Variants in GALNTL6 observed in about 807,000 individuals in gnomAD.
GALNTL6 encodes polypeptide N-acetylgalactosaminyltransferase like 6, also known as polypeptide N-acetylgalactosaminyltransferase-like 6.
In GALNTL6, 46 loss-of-function variants were observed where a neutral mutation model predicts 73.7. The ratio of observed to expected loss-of-function variants is 0.62; its 90% CI spans 0.49 to 0.80. The LOEUF is 0.80. Ranked by LOEUF, GALNTL6 falls within the 30% of genes least tolerant of loss-of-function variation. The pLI is 0.00. For missense variants in GALNTL6, 604 were observed against 755.0 expected (o/e 0.80, Z 2.34); for synonymous variants, 259 against 263.7 (o/e 0.98, Z 0.17).
chr4:172,352,974 C>T (rs893173427), intron 5 of GALNTL6, among the ~76,000 whole-genome samples: 9 of 152,002 alleles, frequency 5.9e-5, no homozygotes, highest in East Asian at 1.9e-4. Flanking sequence ...TTAGACAGCC[C>T]GCACTCCTAC....
At chr4:172,282,726 A>G (rs1195758724) in intron 3 of GALNTL6, among the ~76,000 whole-genome samples, 1 of 152,126 alleles carries the variant, frequency 6.6e-6, no homozygotes. Flanking sequence ...CAGTAACTAA[A>G]AGGATTAGGG....
At chr4:172,885,421 A>G (rs1745669000) in intron 8 of GALNTL6, among the ~76,000 whole-genome samples, 1 of 152,130 alleles carries the variant, frequency 6.6e-6, no homozygotes, top group African/African-American at 2.4e-5. Context: ...AGTGTATAGC[A>G]ACTTTATAGA....
chr4:171,909,164 A>G (rs1353617895), intron 2 of GALNTL6, among the ~76,000 whole-genome samples: 3 of 135,692 alleles, frequency 2.2e-5, no homozygotes, highest in Non-Finnish European at 4.9e-5. Flanking sequence ...ATAAATAAAT[A>G]AAAAGAAAAA....
rs553257414 is a variant in GALNTL6 at position 172,621,443 on chromosome 4, T to C, written c.554-187918T>C. The stretch of plus-strand genomic sequence containing the variant: ...CAGGTTAGTTCTTGTCTTTCACAAT[T>C]GCTAGTTGGGGAATTACTTTCCAGG... On this transcript the variant is annotated intron_variant, in intron 5 of 12. Coordinates refer to ENST00000506823, the MANE Select transcript of GALNTL6 (RefSeq NM_001034845.3). Among the ~76,000 whole-genome samples, 11 of 152,290 alleles carry C rather than the reference T, an allele frequency of 7.2e-5. No homozygotes were observed. The South Asian group carries it at 2.1e-3, about 29-fold the overall frequency.
intron 2 of GALNTL6, among the ~76,000 whole-genome samples, chr4:171,888,314 T>G (rs1736661502): frequency 6.6e-6 from 1 of 150,940 alleles, no homozygotes; most frequent in South Asian, 2.1e-4. Context: ...TACATAACTT[T>G]AAAGTTCAGC....
chr4:172,597,680 A>G (rs1168408112), intron 5 of GALNTL6, among the ~76,000 whole-genome samples: 3 of 152,180 alleles, frequency 2.0e-5, no homozygotes, highest in Non-Finnish European at 4.4e-5. Context: ...GAAAATCTCT[A>G]CATTCAGCCA....
chr4:172,259,523 GCA>G lies in GALNTL6; in HGVS notation c.247+29762_247+29763del, dbSNP rs1738187536. On this transcript the variant is annotated intron_variant, in intron 3 of 12. Transcript: ENST00000506823. ...TCTGGATATTAGTCCTTTGTCGGAT[GCA>G]CAGTTCGTGAATATTTTCTCCCACT... Among the ~76,000 whole-genome samples, 6 of 150,846 alleles carry G rather than the reference GCA, an allele frequency of 4.0e-5. No individual in the cohort carries two copies. In the South Asian group the frequency reaches 1.3e-3, roughly 31 times the overall value.
rs188727499 is a variant in GALNTL6 at position 172,377,351 on chromosome 4, C to T, written c.553+28662C>T. On this transcript the variant is annotated intron_variant, in intron 5 of 12. Coordinates refer to ENST00000506823, the MANE Select transcript of GALNTL6 (RefSeq NM_001034845.3). ...CACCAGATTAGCTAGATACAGAGTG[C>T]TGATTGGTGTGTTTACAAACCTTTA... Among the ~76,000 whole-genome samples the T allele has an allele frequency of 4.6e-5, 7 of 152,256 alleles. No individual in the cohort carries two copies. In the East Asian group the frequency reaches 1.4e-3, roughly 29 times the overall value.
At chr4:172,976,236 T>C (rs1006969511) in intron 10 of GALNTL6, among the ~76,000 whole-genome samples, 6 of 152,240 alleles carry the variant, frequency 3.9e-5, no homozygotes, top group African/African-American at 1.4e-4. Flanking sequence ...AAAATTACTA[T>C]GTAGCAATCT....
chr4:172,544,289 A>T (rs190701017), intron 5 of GALNTL6, among the ~76,000 whole-genome samples: 92 of 152,162 alleles, frequency 6.0e-4, no homozygotes, highest in African/African-American at 2.0e-3. Flanking sequence ...AACACAATAT[A>T]CTAATTTCAT....
chr4:172,052,542 A>G, intron 2 of GALNTL6: 4 of 1,528,384 alleles, frequency 2.6e-6, no homozygotes, highest in Non-Finnish European at 3.5e-6. Flanking sequence ...GTAACCGGTA[A>G]AAAGCAAACG....
intron 2 of GALNTL6, among the ~76,000 whole-genome samples, chr4:171,899,443 A>G (rs1296641396): frequency 6.6e-6 from 1 of 152,144 alleles, no homozygotes; most frequent in Non-Finnish European, 1.5e-5. Context: ...AACTAATAAA[A>G]GTAGAGATGT....
intron 2 of GALNTL6, among the ~76,000 whole-genome samples, chr4:172,054,243 T>G (rs989216246): frequency 6.6e-6 from 1 of 152,156 alleles, no homozygotes; most frequent in Admixed American, 6.5e-5. Context: ...ATTAGAACAA[T>G]TCTTATCACA....
intron 5 of GALNTL6, among the ~76,000 whole-genome samples, chr4:172,487,367 C>CTTCTTTTCTTTTCTT (rs200452023): frequency 3.9e-4 from 34 of 87,040 alleles, no homozygotes; most frequent in African/African-American, 7.3e-4. Context: ...TCCTTCTTTC[C>CTTCTTTTCTTTTCTT]TTCTTTTCTT....
intron 2 of GALNTL6, among the ~76,000 whole-genome samples, chr4:172,172,377 A>C (rs1734858151): frequency 6.6e-6 from 1 of 151,992 alleles, no homozygotes; most frequent in Non-Finnish European, 1.5e-5. Context: ...TTGTATTTTT[A>C]GTAGAGATGA....
intron 2 of GALNTL6, among the ~76,000 whole-genome samples, chr4:171,966,407 C>G (rs1739382325): frequency 1.3e-5 from 2 of 152,014 alleles, no homozygotes; most frequent in African/African-American, 4.8e-5. Flanking sequence ...GCAGACAGGC[C>G]ATTATAAATG....
chr4:172,224,159 G>GTTT, intron 2 of GALNTL6, among the ~76,000 whole-genome samples: 1 of 152,228 alleles, frequency 6.6e-6, no homozygotes, highest in Non-Finnish European at 1.5e-5. Flanking sequence ...TATATATCAA[G>GTTT]TTTTGATAAA....
chr4:172,203,952 G>A lies in GALNTL6; in HGVS notation c.139-25704G>A, dbSNP rs1276969309. Among the ~76,000 whole-genome samples the A allele has an allele frequency of 2.0e-5, 3 of 151,976 alleles. No individual in the cohort carries two copies. The East Asian group carries it at 5.8e-4, about 29-fold the overall frequency. ...GTAGAGACGGTGTTTCTCCATGTTG[G>A]TCAGGCAGGTCTCGAACTAACGACC... On this transcript the variant is annotated intron_variant, in intron 2 of 12. Transcript: ENST00000506823.
chr4:172,535,324 G>C (rs770384400), intron 5 of GALNTL6, among the ~76,000 whole-genome samples: 3 of 152,146 alleles, frequency 2.0e-5, no homozygotes, highest in Non-Finnish European at 4.4e-5. Context: ...TCATTCCAGT[G>C]ATTCTGCCAG....
Sources: gnomAD v4.1 joint callset for allele counts (sites outside exome capture counted in the v4.1 genomes callset) on GRCh38, gnomAD v4.1.1 for gene constraint, MANE v1.5 for transcripts, NCBI Gene and HGNC (gene_info 2026-07-23, HGNC 2026-07-21) for gene names.